The following MAPK4 variants were observed in gnomAD, a reference collection of about 807,000 sequenced individuals.
MAPK4 encodes the protein mitogen-activated protein kinase 4.
In MAPK4, 22 loss-of-function variants were observed where a neutral mutation model predicts 47.7. That is an observed-to-expected ratio of 0.46 (90% CI 0.33 to 0.66). The LOEUF (loss-of-function observed/expected upper bound fraction) is 0.66. Among genes scored for constraint, MAPK4 ranks in the 30% least tolerant of loss-of-function variants. MAPK4 has a pLI of 0.02. For missense variants in MAPK4, 736 were observed against 831.7 expected (o/e 0.88, Z 1.42); for synonymous variants, 390 against 365.7 (o/e 1.07, Z -0.76).
intron 1 of MAPK4, among the ~76,000 whole-genome samples, chr18:50,650,171 G>A (rs919209337): frequency 1.3e-5 from 2 of 152,212 alleles, no homozygotes; most frequent in Admixed American, 1.3e-4. Context: ...TATATCAAGT[G>A]TATGTCCAAG....
intron 1 of MAPK4, among the ~76,000 whole-genome samples, chr18:50,616,015 C>T (rs1470086555): frequency 6.6e-6 from 1 of 152,224 alleles, no homozygotes; most frequent in South Asian, 2.1e-4. Context: ...GACTAAACTT[C>T]TGGTTTACAA....
At chr18:50,576,139 T>TTG (rs1555644813) in intron 1 of MAPK4, among the ~76,000 whole-genome samples, 18 of 152,056 alleles carry the variant, frequency 1.2e-4, no homozygotes, top group Admixed American at 3.9e-4. Flanking sequence ...CCTTTTTTTT[T>TTG]GGGTATATAC....
chr18:50,580,028 G>A (rs1199381838), intron 1 of MAPK4, among the ~76,000 whole-genome samples: 1 of 152,162 alleles, frequency 6.6e-6, no homozygotes, highest in Non-Finnish European at 1.5e-5. Flanking sequence ...CACAGTAATT[G>A]ATACATCTCC....
At chr18:50,639,614 C>A (rs1330566293) in intron 1 of MAPK4, among the ~76,000 whole-genome samples, 1 of 152,156 alleles carries the variant, frequency 6.6e-6, no homozygotes, top group Non-Finnish European at 1.5e-5. Flanking sequence ...TTTTGCCATA[C>A]AATTTTAAAA....
chr18:50,601,823 A>G (rs2042544449), intron 1 of MAPK4, among the ~76,000 whole-genome samples: 1 of 151,970 alleles, frequency 6.6e-6, no homozygotes, highest in Admixed American at 6.6e-5. Flanking sequence ...CACATTCTGT[A>G]CTCTTAGTCT....
rs541009309 is a variant in MAPK4 at position 50,701,326 on chromosome 18, G to T, written c.547-13753G>T. ...AGGCCCTGGGAGGGACCCTAACCTT[G>T]TGTTCACATGGTCATGTGTTTTTGT... On this transcript the variant is annotated intron_variant, in intron 2 of 5. Coordinates refer to ENST00000400384, the MANE Select transcript of MAPK4 (RefSeq NM_002747.4). 3.3e-5 allele frequency among the ~76,000 whole-genome samples: 5 copies of T among 152,212 alleles called. No individual in the cohort carries two copies. In the South Asian group the frequency reaches 1.0e-3, roughly 32 times the overall value.
At chr18:50,672,466 A>G (rs138437190) in intron 2 of MAPK4, among the ~76,000 whole-genome samples, 2 of 152,262 alleles carry the variant, frequency 1.3e-5, no homozygotes, top group East Asian at 3.9e-4. Flanking sequence ...GTCCCTGAAC[A>G]CCCAGGCAGA....
intron 1 of MAPK4, chr18:50,629,348 G>A (rs541352287): frequency 2.0e-5 from 3 of 152,324 alleles, no homozygotes; most frequent in East Asian, 1.9e-4. Context: ...TAAGTTACAC[G>A]CATTAGTTGG....
At chr18:50,671,508 G>A (rs1372119927) in intron 2 of MAPK4, among the ~76,000 whole-genome samples, 2 of 152,168 alleles carry the variant, frequency 1.3e-5, no homozygotes, top group Non-Finnish European at 2.9e-5. Flanking sequence ...AGGTCCCAAA[G>A]GAGGAAAAGA....
chr18:50,580,349 C>T (rs1598792952), intron 1 of MAPK4, among the ~76,000 whole-genome samples: 1 of 152,160 alleles, frequency 6.6e-6, no homozygotes, highest in African/African-American at 2.4e-5. Context: ...TGGGAGCCAG[C>T]GGCTGCCTCA....
Position 50,663,874 on chromosome 18 carries a change from T to G in MAPK4, c.-85T>G, listed in dbSNP as rs1907421354. On this transcript the variant is annotated 5_prime_UTR_variant, in exon 2 of 6. Coordinates refer to ENST00000400384, the MANE Select transcript of MAPK4 (RefSeq NM_002747.4). The stretch of plus-strand genomic sequence containing the variant: ...AGCCGTGGGACTTGACAGAATGAGG[T>G]GCGCGAGGGAGGCCGCTAGCCGAGA... 1 of 1,198,328 alleles carries G rather than the reference T, an allele frequency of 8.3e-7. No homozygotes were observed. Among genetic ancestry groups the G allele is most frequent in the Non-Finnish European group, 1.2e-6 (1 of 845,180 alleles). The allele number at this position is 1,198,328 out of a possible 1,614,324, so 74.2% of individuals were successfully genotyped here.
chr18:50,589,485 A>G (rs1022819274), intron 1 of MAPK4, among the ~76,000 whole-genome samples: 2 of 151,666 alleles, frequency 1.3e-5, no homozygotes, highest in Non-Finnish European at 2.9e-5. Flanking sequence ...AGTCCCAGCT[A>G]CTCGGGAGGC....
At chr18:50,671,009 C>G (rs1907917389) in intron 2 of MAPK4, among the ~76,000 whole-genome samples, 1 of 152,198 alleles carries the variant, frequency 6.6e-6, no homozygotes, top group Non-Finnish European at 1.5e-5. Flanking sequence ...AGCTGATGCT[C>G]CTGATGTGTT....
At chr18:50,676,298 C>T (rs1908266861) in intron 2 of MAPK4, among the ~76,000 whole-genome samples, 2 of 152,202 alleles carry the variant, frequency 1.3e-5, no homozygotes, top group South Asian at 4.1e-4. Flanking sequence ...TAGGACTTCA[C>T]TCATTTCACT....
chr18:50,625,449 C>G (rs2042768642), intron 1 of MAPK4, among the ~76,000 whole-genome samples: 1 of 152,256 alleles, frequency 6.6e-6, no homozygotes, highest in South Asian at 2.1e-4. Flanking sequence ...TTCCTCCCTC[C>G]AAAGACCGCA....
intron 1 of MAPK4, among the ~76,000 whole-genome samples, chr18:50,661,170 A>T (rs565019432): frequency 6.6e-6 from 1 of 152,278 alleles, no homozygotes; most frequent in East Asian, 1.9e-4. Flanking sequence ...ATGATATGCA[A>T]TTGCCTCTTT....
intron 2 of MAPK4, among the ~76,000 whole-genome samples, chr18:50,679,930 C>T (rs1185500182): frequency 6.6e-6 from 1 of 152,098 alleles, no homozygotes; most frequent in Admixed American, 6.5e-5. Flanking sequence ...TCACTGGAGA[C>T]TCACTGAGGC....
At chr18:50,700,077 C>T (rs1353948666) in intron 2 of MAPK4, among the ~76,000 whole-genome samples, 1 of 152,150 alleles carries the variant, frequency 6.6e-6, no homozygotes, top group Non-Finnish European at 1.5e-5. Context: ...TGAACTCAAC[C>T]TCCAGCCCCT....
rs1908423862 is a variant in MAPK4 at position 50,678,876 on chromosome 18, C to A, written c.546+14372C>A. On this transcript the variant is annotated intron_variant, in intron 2 of 5. Coordinates refer to ENST00000400384, the MANE Select transcript of MAPK4 (RefSeq NM_002747.4). The surrounding 1 kb of genome is among the most constrained non-coding windows in gnomAD (Gnocchi z 4.2). ...GGCCCCACCTTTGGCTTTCAGATGA[C>A]ACGGCCAGCAGGTTTTCTGGGGTAT... is the stretch of plus-strand genomic sequence containing the variant. Among the ~76,000 whole-genome samples, 1 of 152,140 alleles carries A rather than the reference C, an allele frequency of 6.6e-6. No homozygotes were observed. Among genetic ancestry groups the A allele is most frequent in the Admixed American group, 6.5e-5 (1 of 15,280 alleles).
Sources: allele counts gnomAD v4.1 joint callset (sites outside exome capture counted in the v4.1 genomes callset), GRCh38; gene constraint gnomAD v4.1.1; non-coding constraint Gnocchi (gnomAD v3.1); transcripts MANE v1.5; gene names NCBI Gene and HGNC (gene_info 2026-07-23, HGNC 2026-07-21).